Variants in CHRM3 observed in about 807,000 individuals in gnomAD.
The protein encoded by CHRM3 is muscarinic acetylcholine receptor M3.
Under a neutral mutation model 41.8 loss-of-function variants are expected in CHRM3, and 11 were observed. The ratio of observed to expected loss-of-function variants is 0.26; its 90% confidence interval spans 0.17 to 0.44. CHRM3 has a LOEUF of 0.44. CHRM3 is among the 20% of genes least tolerant of loss of function. CHRM3 has a pLI of 1.00. For missense variants in CHRM3, 571 were observed against 745.4 expected, an observed-to-expected ratio of 0.77 and a Z score of 2.72; for synonymous variants, 297 against 301.4, an observed-to-expected ratio of 0.99 and a Z score of 0.15.
chr1:239,407,968 A>G (rs1230959951), intron 1 of CHRM3, among the ~76,000 whole-genome samples: 1 of 152,164 alleles, frequency 6.6e-6, no homozygotes, highest in South Asian at 2.1e-4. Context: ...ACAAGGTACC[A>G]CTATGTAAAA....
intron 5 of CHRM3, among the ~76,000 whole-genome samples, chr1:239,776,596 C>T (rs485412): frequency 0.69 from 105,505 of 151,948 alleles, 37,082 homozygotes; most frequent in Non-Finnish European, 0.75. Flanking sequence ...AGAAGGAATC[C>T]GTCCATGGGA....
chr1:239,442,297 G>T (rs1449706751), intron 1 of CHRM3, among the ~76,000 whole-genome samples: 1 of 152,052 alleles, frequency 6.6e-6, no homozygotes, highest in African/African-American at 2.4e-5. Flanking sequence ...AGTAGAGATG[G>T]GGTTTTACCA....
intron 6 of CHRM3, among the ~76,000 whole-genome samples, chr1:239,830,031 A>G (rs1672772170): frequency 6.6e-6 from 1 of 152,220 alleles, no homozygotes; most frequent in Non-Finnish European, 1.5e-5. Context: ...TAATAGCAAA[A>G]TGATACCTGG....
Position 239,723,850 on chromosome 1 carries a change from G to A in CHRM3, c.-147+45562G>A, listed in dbSNP as rs1663197673. ...CTTAAAGATGAGGCCTCATAGTATA[G>A]GCCAGTAGAAGTTTGCATCCTGTCT... On this transcript the variant is annotated intron_variant, in intron 5 of 6. Transcript: ENST00000676153. Among the ~76,000 whole-genome samples, 6 of 151,898 alleles carry A rather than the reference G, an allele frequency of 4.0e-5. No individual in the cohort carries two copies. The South Asian group carries it at 1.2e-3, about 31-fold the overall frequency.
intron 4 of CHRM3, among the ~76,000 whole-genome samples, chr1:239,649,415 C>A (rs1672040107): frequency 6.6e-6 from 1 of 152,114 alleles, no homozygotes; most frequent in Admixed American, 6.5e-5. Context: ...ATTTTAACTA[C>A]CCAGATGGAC....
At chr1:239,749,828 G>A (rs1352216913) in intron 5 of CHRM3, among the ~76,000 whole-genome samples, 1 of 152,140 alleles carries the variant, frequency 6.6e-6, no homozygotes, top group East Asian at 1.9e-4. Flanking sequence ...AATTTAAGTA[G>A]GGTATTCTGA....
chr1:239,768,402 A>T (rs1667391757), intron 5 of CHRM3, among the ~76,000 whole-genome samples: 1 of 152,188 alleles, frequency 6.6e-6, no homozygotes, highest in Admixed American at 6.5e-5. Context: ...TGCCAGGTTC[A>T]TACTGGAGTT....
intron 2 of CHRM3, among the ~76,000 whole-genome samples, chr1:239,532,519 G>C (rs1245006802): frequency 6.6e-6 from 1 of 150,832 alleles, no homozygotes; most frequent in South Asian, 2.1e-4. Context: ...CAGCTACTCC[G>C]GAGGCTGAGG....
intron 1 of CHRM3, among the ~76,000 whole-genome samples, chr1:239,465,734 A>C (rs1665677096): frequency 6.6e-6 from 1 of 152,160 alleles, no homozygotes; most frequent in East Asian, 1.9e-4. Flanking sequence ...CTGAGTGCTA[A>C]AGCCTCCAGT....
In CHRM3 at chr1:239,828,032, T is replaced by C. The variant is rs771737006; in HGVS notation, c.-20+654T>C. On this transcript the variant is annotated intron_variant, in intron 6 of 6. Coordinates refer to ENST00000676153, the MANE Select transcript of CHRM3 (RefSeq NM_001375978.1). Reference sequence around the variant, plus strand: ...TCATTCCTCATTCAACACATATTTATTAAACACCTACTACGTTCTAGATAC... The same window carrying C: ...TCATTCCTCATTCAACACATATTTACTAAACACCTACTACGTTCTAGATAC... 1.6e-4 allele frequency among the ~76,000 whole-genome samples: 25 copies of C among 152,220 alleles called. 1 individual carries two copies. Among genetic ancestry groups the C allele is most frequent in the Non-Finnish European group, 2.8e-4 (19 of 68,040 alleles).
intron 1 of CHRM3, among the ~76,000 whole-genome samples, chr1:239,416,140 C>T (rs1490980498): frequency 6.6e-6 from 1 of 152,136 alleles, no homozygotes; most frequent in Non-Finnish European, 1.5e-5. Context: ...ATCTTAGAGA[C>T]CATGCTTCAT....
At chr1:239,439,516 G>A (rs549572236) in intron 1 of CHRM3, among the ~76,000 whole-genome samples, 1 of 152,262 alleles carries the variant, frequency 6.6e-6, no homozygotes, top group South Asian at 2.1e-4. Flanking sequence ...AGAACAATGA[G>A]AGGAGAATTG....
intron 5 of CHRM3, among the ~76,000 whole-genome samples, chr1:239,764,448 G>A (rs1015509676): frequency 5.3e-5 from 8 of 152,178 alleles, no homozygotes; most frequent in Admixed American, 5.2e-4. Flanking sequence ...GAATTGTTCT[G>A]CTGTCTCAGT....
chr1:239,459,130 C>G (rs1178031084), intron 1 of CHRM3, among the ~76,000 whole-genome samples: 2 of 152,090 alleles, frequency 1.3e-5, no homozygotes, highest in Non-Finnish European at 2.9e-5. Flanking sequence ...TTTTGTAACA[C>G]AGACCAGTGG....
chr1:239,465,831 A>T (rs1382725353), intron 1 of CHRM3, among the ~76,000 whole-genome samples: 3 of 152,022 alleles, frequency 2.0e-5, no homozygotes, highest in Non-Finnish European at 4.4e-5. Flanking sequence ...AGTATGTAAA[A>T]GTTACATCTC....
intron 2 of CHRM3, among the ~76,000 whole-genome samples, chr1:239,502,262 C>T (rs188712281): frequency 6.6e-6 from 1 of 152,168 alleles, no homozygotes; most frequent in East Asian, 1.9e-4. Flanking sequence ...TTACAACCGA[C>T]ACCACAGAAA....
intron 5 of CHRM3, among the ~76,000 whole-genome samples, chr1:239,826,679 GGGTA>G (rs1490753526): frequency 6.6e-6 from 1 of 152,110 alleles, no homozygotes. Flanking sequence ...TTTTGATAAA[GGGTA>G]GAAGCAAACA....
intron 6 of CHRM3, among the ~76,000 whole-genome samples, chr1:239,829,863 A>C (rs762066725): frequency 6.6e-6 from 1 of 152,230 alleles, no homozygotes; most frequent in African/African-American, 2.4e-5. Context: ...TTAATGTCCA[A>C]TAAGCACTTA....
At chr1:239,834,517 C>A (rs1267618328) in intron 6 of CHRM3, among the ~76,000 whole-genome samples, 1 of 152,044 alleles carries the variant, frequency 6.6e-6, no homozygotes, top group Admixed American at 6.6e-5. Flanking sequence ...AGCCACTAAG[C>A]AATCCCGAAA....
Sources: allele counts gnomAD v4.1 joint callset (sites outside exome capture counted in the v4.1 genomes callset), GRCh38; gene constraint gnomAD v4.1.1; transcripts MANE v1.5; gene names NCBI Gene and HGNC (gene_info 2026-07-23, HGNC 2026-07-21).